The following SEPTIN9 variants were observed in gnomAD, a reference collection of about 807,000 sequenced individuals.
SEPTIN9 encodes the protein septin-9.
A neutral mutation model predicts 56.6 loss-of-function variants in SEPTIN9; 13 were observed. The observed-to-expected ratio is 0.23, with a 90% CI of 0.15 to 0.37. The LOEUF is 0.37. Among genes scored for constraint, SEPTIN9 ranks in the 10% least tolerant of loss-of-function variants. The pLI is 1.00. For synonymous variants in SEPTIN9, 332 were observed against 334.1 expected, an observed-to-expected ratio of 0.99 and a Z score of 0.07; for missense variants, 650 against 823.1, an observed-to-expected ratio of 0.79 and a Z score of 2.57.
chr17:77,483,053 A>T (rs1409373868), intron 4 of SEPTIN9: 1 of 161,760 alleles, frequency 6.2e-6, no homozygotes, highest in Non-Finnish European at 1.4e-5. Context: ...GACTCCCAGA[A>T]CTGTGTTCTG....
At chr17:77,477,039 A>C (rs565818002) in intron 3 of SEPTIN9, among the ~76,000 whole-genome samples, 2 of 152,264 alleles carry the variant, frequency 1.3e-5, no homozygotes, top group African/African-American at 4.8e-5. Flanking sequence ...ATCCAGCTCC[A>C]CTAGAAATGA....
chr17:77,397,444 T>A (rs1360290470), intron 2 of SEPTIN9, among the ~76,000 whole-genome samples: 1 of 152,150 alleles, frequency 6.6e-6, no homozygotes. Context: ...CCTAATCACA[T>A]CTGCAAAGAC....
At chr17:77,424,268 A>G (rs971685052) in intron 3 of SEPTIN9, among the ~76,000 whole-genome samples, 1 of 152,258 alleles carries the variant, frequency 6.6e-6, no homozygotes, top group Admixed American at 6.5e-5. Flanking sequence ...ACACAGCTAG[A>G]AGCGGCTGAC....
chr17:77,377,529 C>T (rs369259260), intron 2 of SEPTIN9, among the ~76,000 whole-genome samples: 3 of 152,052 alleles, frequency 2.0e-5, no homozygotes, highest in East Asian at 1.9e-4. Context: ...CCAGGACCCA[C>T]GTGCTCAGAT....
chr17:77,477,962 G>A (rs2039292812), intron 3 of SEPTIN9, among the ~76,000 whole-genome samples: 2 of 152,234 alleles, frequency 1.3e-5, no homozygotes, highest in South Asian at 2.1e-4. Context: ...CTGGAGGTGC[G>A]ATGGGGATCT....
In SEPTIN9 at chr17:77,405,127, G is replaced by T; in HGVS notation, c.721+2424G>T. On this transcript the variant is annotated intron_variant, in intron 3 of 11. Coordinates refer to ENST00000427177, the MANE Select transcript of SEPTIN9 (RefSeq NM_001113491.2). The surrounding 1 kb of genome is among the most constrained non-coding windows in gnomAD (Gnocchi z 5.8). ...CTGGATGCACAGGGACGTGGTCCTGGCTCTGGGGGACAGGTAGGGGGATGT... is the reference window on the plus strand; with the variant it reads ...CTGGATGCACAGGGACGTGGTCCTGTCTCTGGGGGACAGGTAGGGGGATGT... 1 of 1,535,446 alleles carries T rather than the reference G, an allele frequency of 6.5e-7. No individual in the cohort carries two copies. The highest frequency in any genetic ancestry group is 1.4e-5 in the African/African-American group (1 of 73,166).
intron 2 of SEPTIN9, among the ~76,000 whole-genome samples, chr17:77,399,028 C>T (rs911586734): frequency 3.2e-4 from 49 of 152,132 alleles, no homozygotes. Context: ...CGCAGATGGC[C>T]AAGGTGGTGA....
At position 77,498,687 on chromosome 17, in the gene SEPTIN9, G is replaced by A. The variant is rs757979428; in HGVS notation, c.*29G>A. The A allele has an allele frequency of 9.3e-6, 13 of 1,395,410 alleles. No individual in the cohort carries two copies. In the South Asian group the frequency reaches 1.5e-4, roughly 16 times the overall value. 86.4% of individuals were successfully genotyped at this position (1,395,410 alleles called of 1,614,324 possible). On this transcript the variant is annotated 3_prime_UTR_variant, in exon 12 of 12. Transcript: ENST00000427177. ...CCACCCTGCCCACCCCCGGGATCCTGCCCCCAAGTCATTTCCGTCCCCCCC... is the reference window on the plus strand; with the variant it reads ...CCACCCTGCCCACCCCCGGGATCCTACCCCCAAGTCATTTCCGTCCCCCCC...
chr17:77,379,031 G>A (rs2035042745), intron 2 of SEPTIN9, among the ~76,000 whole-genome samples: 2 of 152,254 alleles, frequency 1.3e-5, no homozygotes, highest in South Asian at 4.1e-4. Flanking sequence ...TGCATCCCAG[G>A]GAGTGGTGCC....
chr17:77,325,751 G>T (rs2033110902), intron 2 of SEPTIN9, among the ~76,000 whole-genome samples: 1 of 152,220 alleles, frequency 6.6e-6, no homozygotes, highest in African/African-American at 2.4e-5. Context: ...TCTGCCATCT[G>T]TGCCTTTGTC....
chr17:77,410,462 C>A (rs1243999901), intron 3 of SEPTIN9, among the ~76,000 whole-genome samples: 2 of 152,208 alleles, frequency 1.3e-5, no homozygotes, highest in East Asian at 3.8e-4. Flanking sequence ...CATCTGCCGC[C>A]TTCCAAAATG....
In SEPTIN9 at chr17:77,434,493, G is replaced by A. The variant is rs754259098; in HGVS notation, c.721+31790G>A. Among the ~76,000 whole-genome samples the A allele has an allele frequency of 2.0e-5, 3 of 152,208 alleles. No homozygotes were observed. The highest frequency in any genetic ancestry group is 2.9e-5 in the Non-Finnish European group (2 of 68,030). ...CGTACTGCCTCTGAGTCTGCAGCCT[G>A]TTTTCCTTACCAGGTGGCTAAGCAG... On this transcript the variant is annotated intron_variant, in intron 3 of 11. Transcript: ENST00000427177. This position sits in a 1 kb window ranked among gnomAD's most constrained non-coding sequence, Gnocchi z 5.0.
rs2037357831 is a variant in SEPTIN9, at chr17:77,436,810, A to G, written c.721+34107A>G. 6.6e-6 allele frequency among the ~76,000 whole-genome samples: 1 copy of G among 152,214 alleles called. No homozygotes were observed. The highest frequency in any genetic ancestry group is 1.5e-5 in the Non-Finnish European group (1 of 68,028). Reference sequence around the variant, plus strand: ...GCTGCCCATTCTGGCCCTGGTAAGGACACCCAGGAGAGGGCCAGGGTGCCT... The same window carrying G: ...GCTGCCCATTCTGGCCCTGGTAAGGGCACCCAGGAGAGGGCCAGGGTGCCT... On this transcript the variant is annotated intron_variant, in intron 3 of 11. Coordinates refer to ENST00000427177, the MANE Select transcript of SEPTIN9 (RefSeq NM_001113491.2). The surrounding 1 kb of genome is among the most constrained non-coding windows in gnomAD (Gnocchi z 4.4).
At chr17:77,478,925 G>A (rs144272725) in intron 3 of SEPTIN9, among the ~76,000 whole-genome samples, 360 of 152,254 alleles carry the variant, frequency 2.4e-3, no homozygotes, top group African/African-American at 8.2e-3. Context: ...AAATAATTTG[G>A]TCACAAAAGG....
intron 2 of SEPTIN9, among the ~76,000 whole-genome samples, chr17:77,352,646 A>G (rs2034104002): frequency 6.6e-6 from 1 of 151,954 alleles, no homozygotes; most frequent in Non-Finnish European, 1.5e-5. Flanking sequence ...GTCTCTGTCC[A>G]AACTGCCCTC....
Position 77,498,669 on chromosome 17 carries a change from G to GGC in SEPTIN9, c.*11_*12insGC. The GGC allele has an allele frequency of 5.8e-6, 9 of 1,550,276 alleles. No homozygotes were observed. The highest frequency in any genetic ancestry group is 1.8e-5 in the Admixed American group (1 of 55,428). ...GCCCCGGAGATGTAGACGCCACCCT[G>GGC]CCCACCCCCGGGATCCTGCCCCCAA... On this transcript the variant is annotated 3_prime_UTR_variant, in exon 12 of 12. Transcript: ENST00000427177.
rs898570941 is a variant in SEPTIN9, at chr17:77,285,591, G to T, written c.19+4037G>T. On this transcript the variant is annotated intron_variant, in intron 1 of 11. Coordinates refer to ENST00000427177, the MANE Select transcript of SEPTIN9 (RefSeq NM_001113491.2). ...TTTTGTATTTTTTAGTAGAGATGGG[G>T]TTTTACCATACTGGCCAGGCTGGTC... Among the ~76,000 whole-genome samples, 82 of 151,490 alleles carry T rather than the reference G, an allele frequency of 5.4e-4. 1 individual carries two copies. The highest frequency in any genetic ancestry group is 1.0e-3 in the Non-Finnish European group (69 of 67,854).
intron 2 of SEPTIN9, among the ~76,000 whole-genome samples, chr17:77,350,848 A>T (rs2034037890): frequency 6.6e-6 from 1 of 152,162 alleles, no homozygotes; most frequent in South Asian, 2.1e-4. Flanking sequence ...CTCCAGACAG[A>T]CCTTTTATCA....
At chr17:77,463,201 C>T (rs1256703785) in intron 3 of SEPTIN9, among the ~76,000 whole-genome samples, 3 of 152,212 alleles carry the variant, frequency 2.0e-5, no homozygotes, top group South Asian at 2.1e-4. Context: ...TTGGACCTGC[C>T]ATTTCTTAAA....
Sources: allele counts gnomAD v4.1 joint callset (sites outside exome capture counted in the v4.1 genomes callset), GRCh38; gene constraint gnomAD v4.1.1; non-coding constraint Gnocchi (gnomAD v3.1); transcripts MANE v1.5; gene names NCBI Gene and HGNC (gene_info 2026-07-23, HGNC 2026-07-21).